The following PIP4K2A variants were observed in gnomAD, a reference collection of about 807,000 sequenced individuals.
PIP4K2A encodes phosphatidylinositol 5-phosphate 4-kinase type-2 alpha.
PIP4K2A carries 14 observed loss-of-function variants against 42.9 expected under a neutral mutation model. The ratio of observed to expected loss-of-function variants is 0.33; its 90% confidence interval spans 0.22 to 0.51. The LOEUF is 0.51. Among genes scored for constraint, PIP4K2A ranks in the 20% least tolerant of loss-of-function variants. PIP4K2A has a pLI of 0.97. For missense variants in PIP4K2A, 434 were observed against 519.8 expected, an observed-to-expected ratio of 0.83 and a Z score of 1.61; for synonymous variants, 192 against 192.2, an observed-to-expected ratio of 1.00 and a Z score of 0.01.
chr10:22,544,527 G>A (rs531160942), intron 7 of PIP4K2A, among the ~76,000 whole-genome samples: 10 of 152,306 alleles, frequency 6.6e-5, no homozygotes, highest in African/African-American at 2.4e-4. Context: ...GCCAGGCCAG[G>A]CCCTGCTCGG....
intron 1 of PIP4K2A, among the ~76,000 whole-genome samples, chr10:22,644,167 G>A (rs549712907): frequency 3.3e-5 from 5 of 152,168 alleles, no homozygotes; most frequent in East Asian, 3.9e-4. Context: ...GGACCTCCAC[G>A]CACAGAGTAG....
intron 6 of PIP4K2A, among the ~76,000 whole-genome samples, chr10:22,561,232 T>TA (rs1442291367): frequency 1.3e-5 from 2 of 152,156 alleles, no homozygotes; most frequent in South Asian, 4.2e-4. Flanking sequence ...GTTCTGCTCT[T>TA]AAAAAAAACC....
rs542489135 is a variant in PIP4K2A, at chr10:22,575,815, G to A, written c.493-2358C>T. Among the ~76,000 whole-genome samples the A allele has an allele frequency of 2.0e-5, 3 of 152,070 alleles. No homozygotes were observed. The South Asian group carries it at 6.2e-4, about 32-fold the overall frequency. On this transcript the variant is annotated intron_variant, in intron 4 of 9. Coordinates refer to ENST00000376573, the MANE Select transcript of PIP4K2A (RefSeq NM_005028.5). ...TAGCTGGGTGTGGTGGTGCACACCC[G>A]TAATCCCAGCTACTCGGGAGGCTGA...
rs10681238 is a variant in PIP4K2A, at chr10:22,596,205, C to CAAAAA, written c.340-4429_340-4425dup. Reference sequence around the variant, plus strand: ...GGGCAACAAGAGCAAAACTCCGTCTCAAAAAAAAAAAAAAAAAAAAGGATT... The same window carrying CAAAAA: ...GGGCAACAAGAGCAAAACTCCGTCTCAAAAAAAAAAAAAAAAAAAAAAAAAGGATT... On this transcript the variant is annotated intron_variant, in intron 3 of 9. Coordinates refer to ENST00000376573, the MANE Select transcript of PIP4K2A (RefSeq NM_005028.5). Among the ~76,000 whole-genome samples, 127 of 69,612 alleles carry CAAAAA rather than the reference C, an allele frequency of 1.8e-3. 7 individuals are homozygous for CAAAAA. The highest frequency in any genetic ancestry group is 6.3e-3 in the African/African-American group (99 of 15,796). The allele number at this position is 69,612 out of a possible 152,430, so 45.7% of individuals were successfully genotyped here.
chr10:22,642,787 G>C (rs1416710402), intron 1 of PIP4K2A, among the ~76,000 whole-genome samples: 1 of 151,956 alleles, frequency 6.6e-6, no homozygotes, highest in Admixed American at 6.6e-5. Flanking sequence ...CTGTGGTCCA[G>C]GTAAGAGAAG....
At chr10:22,589,178 A>T (rs1448171280) in intron 4 of PIP4K2A, among the ~76,000 whole-genome samples, 1 of 152,242 alleles carries the variant, frequency 6.6e-6, no homozygotes, top group Non-Finnish European at 1.5e-5. Context: ...TGCTCTCATC[A>T]GTCATGAGAT....
rs144861242 is a variant in PIP4K2A, at chr10:22,552,120, A to T, written c.679-1348T>A. On this transcript the variant is annotated intron_variant, in intron 6 of 9. Transcript: ENST00000376573. ...TTACAAAGCAGGTACAGCAAGGCCC[A>T]GAAATGTCAAGATTCAATTCAATCA... Among the ~76,000 whole-genome samples the T allele has an allele frequency of 5.3e-5, 8 of 152,360 alleles. No homozygotes were observed. In the East Asian group the frequency reaches 1.5e-3, roughly 29 times the overall value.
At chr10:22,706,214 G>A (rs1833819897) in intron 1 of PIP4K2A, among the ~76,000 whole-genome samples, 1 of 152,086 alleles carries the variant, frequency 6.6e-6, no homozygotes, top group Non-Finnish European at 1.5e-5. Context: ...CTGCAGCTGG[G>A]AGATTCTATC....
intron 1 of PIP4K2A, among the ~76,000 whole-genome samples, chr10:22,671,102 G>A (rs937557467): frequency 1.3e-4 from 20 of 152,134 alleles, no homozygotes; most frequent in African/African-American, 3.6e-4. Flanking sequence ...CAGGGAAAGC[G>A]AACATATATT....
rs1461845733 is a variant in PIP4K2A, at chr10:22,714,571, C to A, written c.-245G>T. Reference sequence around the variant, plus strand: ...CGCCCGCCGCGGATCCGCGCTCAGCCCGCGGCTGGACCCGGCGCGCGGCGA... The same window carrying A: ...CGCCCGCCGCGGATCCGCGCTCAGCACGCGGCTGGACCCGGCGCGCGGCGA... On this transcript the variant is annotated 5_prime_UTR_variant, in exon 1 of 10. Transcript: ENST00000376573. 1 of 147,072 alleles carries A rather than the reference C, an allele frequency of 6.8e-6. No homozygotes were observed. Among genetic ancestry groups the A allele is most frequent in the Admixed American group, 6.8e-5 (1 of 14,750 alleles). The allele number at this position is 147,072 out of a possible 1,614,324, so 9.1% of individuals were successfully genotyped here.
chr10:22,587,232 A>G (rs889537328), intron 4 of PIP4K2A, among the ~76,000 whole-genome samples: 1 of 152,158 alleles, frequency 6.6e-6, no homozygotes, highest in South Asian at 2.1e-4. Context: ...AAAAACAACA[A>G]AGGAAAAGAA....
chr10:22,574,442 C>G (rs55925513), intron 4 of PIP4K2A, among the ~76,000 whole-genome samples: 2,686 of 15,502 alleles, frequency 0.17, 53 homozygotes, highest in East Asian at 0.42. Flanking sequence ...TTTTCATTTT[C>G]TGTTTTTTTT....
intron 1 of PIP4K2A, among the ~76,000 whole-genome samples, chr10:22,691,362 A>G (rs1274465583): frequency 1.3e-5 from 2 of 152,120 alleles, no homozygotes; most frequent in African/African-American, 2.4e-5. Context: ...TACATGACAG[A>G]GCCCTATGTT....
intron 1 of PIP4K2A, among the ~76,000 whole-genome samples, chr10:22,655,443 G>A (rs371327210): frequency 7.2e-5 from 11 of 152,276 alleles, no homozygotes; most frequent in African/African-American, 2.2e-4. Context: ...CAAGCCTGAC[G>A]CCCCATATTT....
intron 1 of PIP4K2A, among the ~76,000 whole-genome samples, chr10:22,652,048 T>C (rs908483593): frequency 6.6e-6 from 1 of 152,190 alleles, no homozygotes. Context: ...AACTGAGCCC[T>C]GTAACTGATA....
intron 2 of PIP4K2A, among the ~76,000 whole-genome samples, chr10:22,609,239 T>C (rs1837978908): frequency 6.6e-6 from 1 of 152,230 alleles, no homozygotes; most frequent in South Asian, 2.1e-4. Context: ...AAAATGTACC[T>C]TGGGTCTTTA....
intron 1 of PIP4K2A, among the ~76,000 whole-genome samples, chr10:22,664,344 T>C (rs1839308656): frequency 6.7e-6 from 1 of 149,838 alleles, no homozygotes; most frequent in African/African-American, 2.4e-5. Context: ...ACTGTTGTTT[T>C]AATTTACATG....
At chr10:22,586,421 A>G (rs1220420975) in intron 4 of PIP4K2A, among the ~76,000 whole-genome samples, 1 of 152,248 alleles carries the variant, frequency 6.6e-6, no homozygotes, top group Non-Finnish European at 1.5e-5. Flanking sequence ...AGTGGATTAA[A>G]AGAGTTAAGG....
At chr10:22,587,000 T>C (rs1472056142) in intron 4 of PIP4K2A, among the ~76,000 whole-genome samples, 3 of 152,206 alleles carry the variant, frequency 2.0e-5, no homozygotes, top group Admixed American at 6.5e-5. Context: ...GCCAGGGGCA[T>C]GGCTGGGACC....
Sources: allele counts gnomAD v4.1 joint callset (sites outside exome capture counted in the v4.1 genomes callset), GRCh38; gene constraint gnomAD v4.1.1; transcripts MANE v1.5; gene names NCBI Gene and HGNC (gene_info 2026-07-23, HGNC 2026-07-21).